Variants in TTC39C observed in about 807,000 individuals in gnomAD.
The protein encoded by TTC39C is tetratricopeptide repeat domain 39C, also known as tetratricopeptide repeat protein 39C.
Under a neutral mutation model 76.3 loss-of-function variants are expected in TTC39C, and 33 were observed. The observed-to-expected ratio is 0.43, with a 90% CI of 0.33 to 0.58. TTC39C has a LOEUF of 0.58. TTC39C is among the 20% of genes least tolerant of loss of function. The pLI is 0.04. For missense variants in TTC39C, 595 were observed against 701.4 expected, an observed-to-expected ratio of 0.85 and a Z score of 1.71; for synonymous variants, 254 against 260.6, an observed-to-expected ratio of 0.97 and a Z score of 0.24.
intron 3 of TTC39C, among the ~76,000 whole-genome samples, chr18:24,068,639 T>C (rs2084198668): frequency 6.6e-6 from 1 of 152,238 alleles, no homozygotes; most frequent in South Asian, 2.1e-4. Context: ...TGTGATTTAT[T>C]CAAAGCTAAT....
intron 1 of TTC39C, among the ~76,000 whole-genome samples, chr18:24,025,162 C>T (rs1382694913): frequency 6.6e-6 from 1 of 152,190 alleles, no homozygotes; most frequent in Non-Finnish European, 1.5e-5. Flanking sequence ...AGCCACTGCG[C>T]CCGGCCTCCA....
At chr18:24,101,367 G>A (rs2145790150) in intron 6 of TTC39C, among the ~76,000 whole-genome samples, 1 of 151,230 alleles carries the variant, frequency 6.6e-6, no homozygotes, top group South Asian at 2.1e-4. Context: ...CAGCACTTTG[G>A]GAGGCCAAGG....
chr18:24,087,587 T>TTTTTTGTTTTTG (rs1360962481), intron 6 of TTC39C, among the ~76,000 whole-genome samples: 2 of 146,806 alleles, frequency 1.4e-5, no homozygotes, highest in Non-Finnish European at 1.5e-5. Context: ...GAACTGTTTT[T>TTTTTTGTTTTTG]TTTTTGTTTT....
Position 24,069,248 on chromosome 18 carries a change from C to T in TTC39C, c.437C>T (p.Ser146Leu). 1 of 1,613,738 alleles carries T rather than the reference C, an allele frequency of 6.2e-7. No individual in the cohort carries two copies. ...TGCCAGGTTTACCTGGCTGTGCTTT[C>T]ATTTGTAAAACAAGAATTGTCAGGT... Reference protein sequence around the residue: ...ADCQVYLAVLSFVKQELSAYI... With the variant: ...ADCQVYLAVLLFVKQELSAYI... Residue 146 changes from serine to leucine, a missense_variant, in exon 4 of 14, where the codon TCA (serine) becomes TTA (leucine). Transcript: ENST00000317571.
intron 6 of TTC39C, among the ~76,000 whole-genome samples, chr18:24,107,748 A>C (rs1347854553): frequency 1.3e-5 from 2 of 152,222 alleles, no homozygotes; most frequent in Non-Finnish European, 2.9e-5. Context: ...ATGAAAATAG[A>C]CTAATACACT....
intron 4 of TTC39C, among the ~76,000 whole-genome samples, chr18:24,072,883 A>G (rs1204954327): frequency 6.6e-6 from 1 of 152,134 alleles, no homozygotes; most frequent in Non-Finnish European, 1.5e-5. Context: ...CAACATATAT[A>G]CTCTAGTTTT....
chr18:24,018,569 G>T (rs986384039), intron 1 of TTC39C, among the ~76,000 whole-genome samples: 3 of 152,134 alleles, frequency 2.0e-5, no homozygotes, highest in Non-Finnish European at 2.9e-5. Flanking sequence ...GGAGACATAC[G>T]CATGGTCCCC....
At chr18:24,048,107 G>A (rs543856425) in intron 1 of TTC39C, among the ~76,000 whole-genome samples, 1 of 152,264 alleles carries the variant, frequency 6.6e-6, no homozygotes, top group African/African-American at 2.4e-5. Flanking sequence ...TTAAAACAGA[G>A]CCTGTTATAC....
At chr18:24,062,337 G>A (rs908026951) in intron 1 of TTC39C, among the ~76,000 whole-genome samples, 4 of 152,224 alleles carry the variant, frequency 2.6e-5, no homozygotes, top group Non-Finnish European at 5.9e-5. Flanking sequence ...ACTTGATTGA[G>A]ATGTGTCTGT....
chr18:24,121,590 C>A (rs933930874), intron 8 of TTC39C, among the ~76,000 whole-genome samples: 2 of 152,064 alleles, frequency 1.3e-5, no homozygotes, highest in South Asian at 4.2e-4. Flanking sequence ...AAAAAAAAAT[C>A]TATCTATAAT....
chr18:24,101,135 C>A (rs2084668366), intron 6 of TTC39C, among the ~76,000 whole-genome samples: 1 of 152,076 alleles, frequency 6.6e-6, no homozygotes, highest in Non-Finnish European at 1.5e-5. Context: ...TCTCTTCCAA[C>A]TTTCAAATGT....
intron 1 of TTC39C, among the ~76,000 whole-genome samples, chr18:24,063,551 C>T (rs12971032): frequency 0.15 from 21,649 of 140,510 alleles, 1,954 homozygotes; most frequent in Admixed American, 0.25. Context: ...CTCACTCTCT[C>T]GCCCAGGCTG....
At chr18:24,015,990 C>G (rs2083450553) in intron 1 of TTC39C, among the ~76,000 whole-genome samples, 1 of 152,134 alleles carries the variant, frequency 6.6e-6, no homozygotes, top group Non-Finnish European at 1.5e-5. Context: ...CCACATGCTT[C>G]ACGCTATGGA....
chr18:24,122,648 G>A (rs2084985029), intron 8 of TTC39C, among the ~76,000 whole-genome samples: 1 of 152,036 alleles, frequency 6.6e-6, no homozygotes, highest in Non-Finnish European at 1.5e-5. Context: ...ATGGAGTTGT[G>A]GTAAAGTTTC....
At position 24,016,591 on chromosome 18, in the gene TTC39C, C is replaced by T. The variant is rs533685108; in HGVS notation, c.167+1553C>T. On this transcript the variant is annotated intron_variant, in intron 1 of 13. Transcript: ENST00000317571. ...TCTTTTTTAACCCTTCTTTAGTAGG[C>T]GAAAATACTACCTTTACATTGAAAG... The T allele has an allele frequency of 4.0e-5, 16 of 397,906 alleles. 1 individual carries two copies. The South Asian group carries it at 1.6e-3, about 39-fold the overall frequency. The allele number at this position is 397,906 out of a possible 1,614,324, so 24.6% of individuals were successfully genotyped here.
At chr18:24,010,096 T>C (rs370945293), upstream of TTC39C, among the ~76,000 whole-genome samples, 1 of 152,220 alleles carries the variant, frequency 6.6e-6, no homozygotes, top group Non-Finnish European at 1.5e-5. Flanking sequence ...AGAGTTTAAT[T>C]GAACAAAGAA....
At chr18:24,029,909 G>T (rs2083647478) in intron 1 of TTC39C, among the ~76,000 whole-genome samples, 1 of 152,122 alleles carries the variant, frequency 6.6e-6, no homozygotes, top group Admixed American at 6.5e-5. Flanking sequence ...TTGATTGATG[G>T]AAATTTGGGC....
chr18:24,090,368 G>C (rs1426836911), intron 6 of TTC39C, among the ~76,000 whole-genome samples: 1 of 152,156 alleles, frequency 6.6e-6, no homozygotes, highest in East Asian at 1.9e-4. Flanking sequence ...ATTATTTTAT[G>C]CATGGTATCT....
At chr18:24,054,188 G>A (rs1490205635) in intron 1 of TTC39C, among the ~76,000 whole-genome samples, 4 of 152,170 alleles carry the variant, frequency 2.6e-5, no homozygotes, top group Non-Finnish European at 5.9e-5. Context: ...CCAGCCTTGT[G>A]CTAAGGGTGC....
Sources: gnomAD v4.1 joint callset for allele counts (sites outside exome capture counted in the v4.1 genomes callset) on GRCh38, gnomAD v4.1.1 for gene constraint, MANE v1.5 for transcripts, NCBI Gene and HGNC (gene_info 2026-07-23, HGNC 2026-07-21) for gene names.